Variants in ALDH16A1 observed in about 807,000 individuals in gnomAD.
The protein encoded by ALDH16A1 is aldehyde dehydrogenase family 16 member A1.
A neutral mutation model predicts 96.1 loss-of-function variants in ALDH16A1; 88 were observed. The ratio of observed to expected loss-of-function variants is 0.92; its 90% CI spans 0.77 to 1.09. The LOEUF is 1.09. Among genes scored for constraint, ALDH16A1 ranks in the 50% least tolerant of loss-of-function variants. The probability of loss-of-function intolerance (pLI) is 0.00; values close to 1 mark genes in which losing one functional copy is unlikely to be tolerated. For missense variants in ALDH16A1, 1,250 were observed against 1,112.6 expected, an observed-to-expected ratio of 1.12 and a Z score of -1.76; for synonymous variants, 522 against 496.4, an observed-to-expected ratio of 1.05 and a Z score of -0.69.
intron 5 of ALDH16A1, among the ~76,000 whole-genome samples, chr19:49,461,210 G>A (rs1286553362): frequency 2.9e-5 from 4 of 138,712 alleles, no homozygotes; most frequent in Non-Finnish European, 6.1e-5. Context: ...TGAGGGAGGA[G>A]GGGCTGGGGT....
rs766273860 is a variant in ALDH16A1 at position 49,464,161 on chromosome 19, G to T, written c.1229G>T (p.Arg410Leu). ...CCTGTGGTCGTGGCCTCCCCCTTCC[G>T]CACAGCCAAGGAGGCACTGTTGGTG... ...PWPVVVASPF[R>L]TAKEALLVAN... Residue 410 changes from arginine (R) to leucine (L), a missense_variant, in exon 10 of 17, where the codon CGC becomes CTC. By Grantham distance (102) the Arg-to-Leu change is moderately radical. Coordinates refer to ENST00000293350, the MANE Select transcript of ALDH16A1 (RefSeq NM_153329.4). The T allele has an allele frequency of 6.2e-7, 1 of 1,608,504 alleles. No homozygotes were observed. Among genetic ancestry groups the T allele is most frequent in the South Asian group, 1.1e-5 (1 of 90,960 alleles).
chr19:49,464,500 G>A lies in ALDH16A1; in HGVS notation c.1415G>A (p.Cys472Tyr), dbSNP rs1415003552. The change falls in exon 11 of 17, where the codon TGT (cysteine) becomes TAT (tyrosine). Residue 472 changes from cysteine to tyrosine, a missense_variant. Transcript: ENST00000293350. ...VPTGGCKESG[C>Y]SWHGGPDGLY... The stretch of plus-strand genomic sequence containing the variant: ...ACAGGCGGCTGCAAGGAGAGTGGGT[G>A]TTCCTGGCACGGGGGCCCAGACGTG... 5.6e-6 allele frequency: 9 copies of A among 1,613,700 alleles called. No homozygotes were observed. The highest frequency in any genetic ancestry group is 1.6e-4 in the Middle Eastern group (1 of 6,082).
Position 49,464,279 on chromosome 19 carries a change from C to G in ALDH16A1, c.1331+16C>G. On this transcript the variant is annotated intron_variant, in intron 10 of 16. Transcript: ENST00000293350. The stretch of plus-strand genomic sequence containing the variant: ...TGGGCTATGGGTCAGTCTGCGTGGC[C>G]CGGGCGCTCACTCCTCTCCTCATTC... The G allele has an allele frequency of 6.3e-7, 1 of 1,599,114 alleles. No homozygotes were observed. The highest frequency in any genetic ancestry group is 8.5e-7 in the Non-Finnish European group (1 of 1,177,406).
intron 6 of ALDH16A1, 40 bp from the exon 7 acceptor site, chr19:49,461,844 G>C: frequency 6.3e-7 from 1 of 1,598,414 alleles, no homozygotes; most frequent in Non-Finnish European, 8.5e-7. Context: ...GCTGGGGGCC[G>C]CAAGGCTCCT....
chr19:49,467,396 C>CTT (rs111994857), intron 14 of ALDH16A1, among the ~76,000 whole-genome samples: 1 of 131,168 alleles, frequency 7.6e-6, no homozygotes, highest in African/African-American at 3.0e-5. Flanking sequence ...TTCTTTCTTT[C>CTT]TTTTTTTTTT....
At chr19:49,453,466 C>CT (rs1247667035) in intron 1 of ALDH16A1, 45 bp downstream of exon 1, 2 of 1,482,592 alleles carry the variant, frequency 1.3e-6, no homozygotes, top group African/African-American at 2.8e-5. Flanking sequence ...TTCCCCAGGC[C>CT]TGGGCGCCCG....
Position 49,464,413 on chromosome 19 carries a change from A to T in ALDH16A1, c.1332-4A>T. On this transcript the variant is annotated splice_polypyrimidine_tract_variant and splice_region_variant and intron_variant, in intron 10 of 16. Coordinates refer to ENST00000293350, the MANE Select transcript of ALDH16A1 (RefSeq NM_153329.4). ...TCTGTTGGACACCTTCATCTTCCCC[A>T]CAGGCTCCAGGTGGGCACTGTCTGG... 6.3e-7 allele frequency: 1 copy of T among 1,595,010 alleles called. No homozygotes were observed. The highest frequency in any genetic ancestry group is 1.3e-5 in the African/African-American group (1 of 74,732).
Position 49,468,650 on chromosome 19 carries a change from C to T in ALDH16A1, c.2124+84C>T, listed in dbSNP as rs2079220009. 5 of 1,519,794 alleles carry T rather than the reference C, an allele frequency of 3.3e-6. No individual in the cohort carries two copies. The highest frequency in any genetic ancestry group is 4.4e-6 in the Non-Finnish European group (5 of 1,126,298). The allele number at this position is 1,519,794 out of a possible 1,614,324, so 94.1% of individuals were successfully genotyped here. On this transcript the variant is annotated intron_variant, in intron 15 of 16. Coordinates refer to ENST00000293350, the MANE Select transcript of ALDH16A1 (RefSeq NM_153329.4). The surrounding 1 kb of genome is among the most constrained non-coding windows in gnomAD (Gnocchi z 4.4). ...CGCCCCAAAGTCGGCAGGAGCTTGT[C>T]TCTTACCCCACCCTCCGTGGTACCC...
At chr19:49,469,036 G>T in intron 16 of ALDH16A1, 50 bp downstream of exon 16, 7 of 1,569,290 alleles carry the variant, frequency 4.5e-6, no homozygotes, top group Non-Finnish European at 5.2e-6. Context: ...CTTCAAACAG[G>T]CTCCTCCTTT....
At chr19:49,461,133 G>C (rs12976830) in intron 5 of ALDH16A1, among the ~76,000 whole-genome samples, 2 of 107,208 alleles carry the variant, frequency 1.9e-5, no homozygotes, top group South Asian at 7.3e-4. Context: ...GAGTCTGAGG[G>C]AGGAGGGGCT....
chr19:49,468,657 C>T lies in ALDH16A1; in HGVS notation c.2124+91C>T. On this transcript the variant is annotated intron_variant, in intron 15 of 16. Transcript: ENST00000293350. This position sits in a 1 kb window ranked among gnomAD's most constrained non-coding sequence, Gnocchi z 4.4. ...AAGTCGGCAGGAGCTTGTCTCTTAC[C>T]CCACCCTCCGTGGTACCCATGCTGC... is the stretch of plus-strand genomic sequence containing the variant. 3 of 1,501,760 alleles carry T rather than the reference C, an allele frequency of 2.0e-6. No homozygotes were observed. Among genetic ancestry groups the T allele is most frequent in the Non-Finnish European group, 2.7e-6 (3 of 1,112,826 alleles). The allele number at this position is 1,501,760 out of a possible 1,614,324, so 93.0% of individuals were successfully genotyped here.
chr19:49,455,009 T>C (rs1299295143), intron 1 of ALDH16A1, among the ~76,000 whole-genome samples: 1 of 148,486 alleles, frequency 6.7e-6, no homozygotes, highest in East Asian at 1.9e-4. Flanking sequence ...TCCTAGCTAC[T>C]TGGGAGGCTG....
In ALDH16A1 at chr19:49,470,273, G is replaced by A. The variant is rs755730307; in HGVS notation, c.2248-33G>A. 7 of 1,611,452 alleles carry A rather than the reference G, an allele frequency of 4.3e-6. No individual in the cohort carries two copies. The African/African-American group carries it at 5.4e-5, about 12-fold the overall frequency. On this transcript the variant is annotated intron_variant, in intron 16 of 16. Coordinates refer to ENST00000293350, the MANE Select transcript of ALDH16A1 (RefSeq NM_153329.4). ...GCAGGTGCTCAGCAACAAGCCTGCA[G>A]AAGTGCTTACCCCCGTCTCTTCCTC...
chr19:49,469,088 A>G (rs1413291633), intron 16 of ALDH16A1, 102 bp downstream of exon 16: 2 of 1,484,548 alleles, frequency 1.3e-6, no homozygotes, highest in African/African-American at 1.4e-5. Flanking sequence ...CCTGTTGGTA[A>G]GGGGAGAAAC....
chr19:49,466,233 C>G lies in ALDH16A1; in HGVS notation c.1888C>G (p.Arg630Gly). The change falls in exon 14 of 17, where the codon CGA becomes GGA. Residue 630 changes from arginine to glycine, a missense_variant. Physicochemically the swap from Arg to Gly is moderately radical, Grantham distance 125. Transcript: ENST00000293350. ...AEAEVELSAR[R>G]LRAWGARVQA... Reference sequence around the variant, plus strand: ...GGCGGAGGTGGAGCTGAGCGCAAGACGACTTCGGGCGTGGGGGGCCCGGGT... The same window carrying G: ...GGCGGAGGTGGAGCTGAGCGCAAGAGGACTTCGGGCGTGGGGGGCCCGGGT... 4 of 1,495,488 alleles carry G rather than the reference C, an allele frequency of 2.7e-6. No individual in the cohort carries two copies. Among genetic ancestry groups the G allele is most frequent in the Non-Finnish European group, 3.6e-6 (4 of 1,121,808 alleles). 92.6% of individuals were successfully genotyped at this position (1,495,488 alleles called of 1,614,324 possible). A position where few individuals can be genotyped will look rare whatever the true frequency, so the allele number is the denominator to read the frequency against.
rs2122376473 is a variant in ALDH16A1 at position 49,459,345 on chromosome 19, G to T, written c.320+259G>T. ...GGCTCAGTTCACTGGGGCTGGTGAA[G>T]CCCCTAAATCCATTTCCTAGCCGCT... On this transcript the variant is annotated intron_variant, in intron 3 of 16. Coordinates refer to ENST00000293350, the MANE Select transcript of ALDH16A1 (RefSeq NM_153329.4). The surrounding 1 kb of genome is among the most constrained non-coding windows in gnomAD (Gnocchi z 4.1). 6.6e-6 allele frequency among the ~76,000 whole-genome samples: 1 copy of T among 152,304 alleles called. No homozygotes were observed. The highest frequency in any genetic ancestry group is 2.1e-4 in the South Asian group (1 of 4,826).
chr19:49,461,836 TG>T, intron 6 of ALDH16A1, 36 bp downstream of exon 6: 1 of 1,602,042 alleles, frequency 6.2e-7, no homozygotes, highest in Non-Finnish European at 8.5e-7. Flanking sequence ...GGAACGCGGC[TG>T]GGGGCCGCAA....
chr19:49,460,715 T>TG, intron 4 of ALDH16A1, 107 bp from the exon 5 acceptor site: 7 of 432,820 alleles, frequency 1.6e-5, no homozygotes, highest in Non-Finnish European at 2.3e-5. Flanking sequence ...CACCCGGCCA[T>TG]TTTTTTTTTT....
rs192949947 is a variant in ALDH16A1, at chr19:49,458,853, G to A, written c.194-107G>A. 46 of 1,453,972 alleles carry A rather than the reference G, an allele frequency of 3.2e-5. No individual in the cohort carries two copies. The Admixed American group carries it at 9.5e-4, about 30-fold the overall frequency. The allele number at this position is 1,453,972 out of a possible 1,614,324, so 90.1% of individuals were successfully genotyped here. ...TAGCCGTGACCCAGCAGAGAATGGG[G>A]ACCAGCTTTACACTCTTGGGCTGAT... On this transcript the variant is annotated intron_variant, in intron 2 of 16. Transcript: ENST00000293350.
Sources: gnomAD v4.1 joint callset for allele counts (sites outside exome capture counted in the v4.1 genomes callset) on GRCh38, gnomAD v4.1.1 for gene constraint, Gnocchi (gnomAD v3.1) non-coding constraint, MANE v1.5 for transcripts, NCBI Gene and HGNC (gene_info 2026-07-23, HGNC 2026-07-21) for gene names.